Variants in CDH18 observed in about 807,000 individuals in gnomAD.
The protein encoded by CDH18 is cadherin-18.
In CDH18, 31 loss-of-function variants were observed where a neutral mutation model predicts 67.9. The ratio of observed to expected loss-of-function variants is 0.46; its 90% CI spans 0.34 to 0.62. The LOEUF (loss-of-function observed/expected upper bound fraction) is 0.62, where lower values mean the gene tolerates loss of function less well. Among genes scored for constraint, CDH18 ranks in the 20% least tolerant of loss-of-function variants. CDH18 has a pLI of 0.01. For synonymous variants in CDH18, 362 were observed against 347.2 expected (o/e 1.04, Z -0.48); for missense variants, 890 against 975.5 (o/e 0.91, Z 1.17).
chr5:20,146,256 A>C (rs1290687113), intron 2 of CDH18, among the ~76,000 whole-genome samples: 1 of 152,012 alleles, frequency 6.6e-6, no homozygotes. Context: ...CCTACTTGGA[A>C]TTTATTTGTA....
chr5:20,063,401 T>G (rs1320656740), intron 2 of CDH18, among the ~76,000 whole-genome samples: 3 of 152,238 alleles, frequency 2.0e-5, no homozygotes, highest in South Asian at 2.1e-4. Context: ...TTTGGGAAAT[T>G]GTAGGTCTTC....
intron 2 of CDH18, among the ~76,000 whole-genome samples, chr5:19,931,406 T>G (rs554396040): frequency 6.6e-6 from 1 of 152,078 alleles, no homozygotes; most frequent in South Asian, 2.1e-4. Context: ...TCCTTTGAAG[T>G]GAACATGCAT....
At chr5:20,504,148 A>G (rs1482749644) in intron 1 of CDH18, among the ~76,000 whole-genome samples, 1 of 152,128 alleles carries the variant, frequency 6.6e-6, no homozygotes, top group Non-Finnish European at 1.5e-5. Context: ...GAACTATTGG[A>G]TATATAATAT....
intron 1 of CDH18, among the ~76,000 whole-genome samples, chr5:20,403,767 C>G (rs559656604): frequency 1.3e-5 from 2 of 152,122 alleles, no homozygotes; most frequent in African/African-American, 4.8e-5. Flanking sequence ...GGCAAGTGAC[C>G]ATTGGCTTCA....
intron 1 of CDH18, among the ~76,000 whole-genome samples, chr5:20,260,918 C>T (rs889417560): frequency 2.0e-5 from 3 of 152,146 alleles, no homozygotes; most frequent in African/African-American, 7.2e-5. Context: ...AGACCTTGAG[C>T]CTCAGGTGGG....
intron 1 of CDH18, among the ~76,000 whole-genome samples, chr5:20,334,757 C>T (rs1469323991): frequency 7.7e-6 from 1 of 130,622 alleles, no homozygotes; most frequent in African/African-American, 4.1e-5. Context: ...CTCTCATACA[C>T]ACACACACAC....
At chr5:20,090,089 A>G (rs146606106) in intron 2 of CDH18, among the ~76,000 whole-genome samples, 2,322 of 152,354 alleles carry the variant, frequency 0.015, 24 homozygotes, top group Middle Eastern at 0.044. Context: ...GTTTATAAAT[A>G]AAAGCAGAAA....
intron 4 of CDH18, among the ~76,000 whole-genome samples, chr5:19,745,616 T>C (rs185740191): frequency 1.3e-5 from 2 of 152,288 alleles, no homozygotes; most frequent in Non-Finnish European, 2.9e-5. Context: ...GGTTAAAAAA[T>C]GCTGAAGCCT....
chr5:19,836,166 T>C (rs529417998), intron 3 of CDH18, among the ~76,000 whole-genome samples: 1 of 152,278 alleles, frequency 6.6e-6, no homozygotes, highest in Admixed American at 6.5e-5. Context: ...AATAAAATAG[T>C]TTTCCTCTTG....
In CDH18 at chr5:19,935,154, C is replaced by T. The variant is rs371401177; in HGVS notation, c.-257+45906G>A. 5.9e-5 allele frequency among the ~76,000 whole-genome samples: 9 copies of T among 151,356 alleles called. No individual in the cohort carries two copies. In the East Asian group the frequency reaches 7.8e-4, roughly 13 times the overall value. ...AAAATACCCTCAAAAACTTTAAGGA[C>T]CCTTACAGTTCATTAGAAATATACC... On this transcript the variant is annotated intron_variant, in intron 2 of 12. Coordinates refer to ENST00000382275, the MANE Select transcript of CDH18 (RefSeq NM_004934.5).
chr5:20,221,065 T>C (rs1294731525), intron 2 of CDH18, among the ~76,000 whole-genome samples: 1 of 152,062 alleles, frequency 6.6e-6, no homozygotes, highest in African/African-American at 2.4e-5. Context: ...AGTTTGGACA[T>C]TTCTTGAAAA....
chr5:20,202,669 TA>T (rs1369625790), intron 2 of CDH18, among the ~76,000 whole-genome samples: 19 of 152,028 alleles, frequency 1.2e-4, no homozygotes, highest in East Asian at 1.9e-4. Flanking sequence ...TTTTTATTTT[TA>T]TTTTTTTTGC....
In CDH18 at chr5:19,554,708, C is replaced by G. The variant is rs569691791; in HGVS notation, c.1254-10703G>C. The stretch of plus-strand genomic sequence containing the variant: ...CCTTCCCAGAACACAGGTTCCCTTC[C>G]TGGGGCTAAGCCTGGTTTGGTCACA... On this transcript the variant is annotated intron_variant, in intron 8 of 12. Coordinates refer to ENST00000382275, the MANE Select transcript of CDH18 (RefSeq NM_004934.5). 8.1e-4 allele frequency among the ~76,000 whole-genome samples: 123 copies of G among 152,140 alleles called. No homozygotes were observed. In the Middle Eastern group the frequency reaches 0.014, roughly 17 times the overall value.
At chr5:20,104,178 T>TA (rs201589600) in intron 2 of CDH18, among the ~76,000 whole-genome samples, 3,464 of 151,862 alleles carry the variant, frequency 0.023, 135 homozygotes, top group African/African-American at 0.076. Flanking sequence ...TAGATATATT[T>TA]AAATCCTTTT....
At chr5:19,812,903 A>G (rs1272403124) in intron 3 of CDH18, among the ~76,000 whole-genome samples, 8 of 152,200 alleles carry the variant, frequency 5.3e-5, no homozygotes. Context: ...ATGCCCATCA[A>G]TGATAAACTG....
At chr5:20,506,791 T>C (rs1754688503) in intron 1 of CDH18, among the ~76,000 whole-genome samples, 1 of 152,230 alleles carries the variant, frequency 6.6e-6, no homozygotes, top group Admixed American at 6.5e-5. Context: ...GAGTTGTTTG[T>C]CATTTTTTCT....
chr5:20,524,632 C>T (rs13160400), intron 1 of CDH18, among the ~76,000 whole-genome samples: 60,598 of 151,934 alleles, frequency 0.4, 13,522 homozygotes, highest in East Asian at 0.56. Context: ...AGGAGGCTTA[C>T]CGATAACAAA....
rs144620523 is a variant in CDH18 at position 20,434,768 on chromosome 5, C to A, written c.-580+140694G>T. Among the ~76,000 whole-genome samples, 325 of 152,076 alleles carry A rather than the reference C, an allele frequency of 2.1e-3. 3 individuals are homozygous for A. Among genetic ancestry groups the A allele is most frequent in the African/African-American group, 7.7e-3 (318 of 41,508 alleles). ...AGCCAATATGAATAAGGACAAGTTTCATTTAATAAATAAACTAAAAAGGGT... is the reference window on the plus strand; with the variant it reads ...AGCCAATATGAATAAGGACAAGTTTAATTTAATAAATAAACTAAAAAGGGT... On this transcript the variant is annotated intron_variant, in intron 1 of 14. Coordinates refer to the CDH18 transcript ENST00000507958.
At chr5:20,202,153 T>C (rs1739498358) in intron 2 of CDH18, among the ~76,000 whole-genome samples, 1 of 152,186 alleles carries the variant, frequency 6.6e-6, no homozygotes, top group African/African-American at 2.4e-5. Context: ...CAGTTTGCTG[T>C]ACTTTCCTGG....
Sources: allele counts gnomAD v4.1 joint callset (sites outside exome capture counted in the v4.1 genomes callset), GRCh38; gene constraint gnomAD v4.1.1; transcripts MANE v1.5; gene names NCBI Gene and HGNC (gene_info 2026-07-23, HGNC 2026-07-21).